The following TBCB variants were observed in gnomAD, a reference collection of about 807,000 sequenced individuals.
TBCB encodes the protein tubulin folding cofactor B.
In TBCB, 18 loss-of-function variants were observed where a neutral mutation model predicts 29.2. The observed-to-expected ratio is 0.62, with a 90% CI of 0.43 to 0.91. TBCB has a LOEUF of 0.91. TBCB is among the 40% of genes least tolerant of loss of function. The pLI is 0.00. For synonymous variants in TBCB, 172 were observed against 137.8 expected, an observed-to-expected ratio of 1.25 and a Z score of -1.74; for missense variants, 336 against 337.6, an observed-to-expected ratio of 1.00 and a Z score of 0.04.
intron 4 of TBCB, among the ~76,000 whole-genome samples, chr19:36,123,545 G>A (rs10417577): frequency 1.3e-5 from 2 of 152,084 alleles, no homozygotes; most frequent in African/African-American, 2.4e-5. Flanking sequence ...GATTACAGGT[G>A]TGAGCCACCA....
chr19:36,121,749 C>T (rs1453421456), intron 4 of TBCB, 31 bp downstream of exon 4: 3 of 1,548,148 alleles, frequency 1.9e-6, no homozygotes, highest in East Asian at 4.9e-5. Flanking sequence ...GTCCCGGGCT[C>T]CAGGGCTCCA....
chr19:36,125,044 A>C (rs1305929902), intron 4 of TBCB, among the ~76,000 whole-genome samples: 6 of 152,116 alleles, frequency 3.9e-5, no homozygotes, highest in African/African-American at 1.4e-4. Flanking sequence ...TTAGTTTGCT[A>C]ACAAAGTACC....
Position 36,116,110 on chromosome 19 carries a change from A to AAGT in TBCB, c.185_187dup (p.Lys62_Phe63insTer). On this transcript the variant is annotated stop_gained and inframe_insertion, in exon 2 of 6. Coordinates refer to ENST00000221855, the MANE Select transcript of TBCB (RefSeq NM_001281.3). LOFTEE classifies it high-confidence loss of function. ...ACTGGAGCTGTATGGAGTTGACGACAAGTTCTACAGCAAGCTGGATCAAGA... is the reference window on the plus strand; with the variant it reads ...ACTGGAGCTGTATGGAGTTGACGACAAGTAGTTCTACAGCAAGCTGGATCAAGA... 6.2e-7 allele frequency: 1 copy of AAGT among 1,614,162 alleles called. No homozygotes were observed. The highest frequency in any genetic ancestry group is 8.5e-7 in the Non-Finnish European group (1 of 1,180,018).
intron 4 of TBCB, 121 bp from the exon 5 acceptor site, chr19:36,125,330 T>C: frequency 2.8e-6 from 3 of 1,082,808 alleles, no homozygotes; most frequent in Non-Finnish European, 4.2e-6. Flanking sequence ...TAGCAAGAAA[T>C]GGTTTTCACC....
intron 1 of TBCB, 135 bp downstream of exon 1, chr19:36,115,809 C>G: frequency 2.8e-6 from 3 of 1,088,454 alleles, no homozygotes; most frequent in South Asian, 1.5e-5. Context: ...GCTGGGGACC[C>G]GGTCGCGGCG....
At chr19:36,117,114 T>G (rs1973968690) in intron 2 of TBCB, among the ~76,000 whole-genome samples, 1 of 152,230 alleles carries the variant, frequency 6.6e-6, no homozygotes, top group Non-Finnish European at 1.5e-5. Flanking sequence ...CCGGCCTCAG[T>G]GTTAACGTTT....
In TBCB at chr19:36,123,767, C is replaced by T. The variant is rs139731164; in HGVS notation, c.548-1684C>T. 7.9e-4 allele frequency among the ~76,000 whole-genome samples: 120 copies of T among 152,220 alleles called. 1 individual carries two copies. The highest frequency in any genetic ancestry group is 1.2e-3 in the Non-Finnish European group (85 of 68,022). On this transcript the variant is annotated intron_variant, in intron 4 of 5. Coordinates refer to ENST00000221855, the MANE Select transcript of TBCB (RefSeq NM_001281.3). ...GCGGGTGCCTGTGATCGCAGCTACC[C>T]GGAAGGCTGAGGCAGGAGAATCGCT...
intron 2 of TBCB, among the ~76,000 whole-genome samples, chr19:36,118,212 C>T (rs1973987935): frequency 1.3e-5 from 2 of 152,112 alleles, no homozygotes; most frequent in Non-Finnish European, 1.5e-5. Context: ...ATGACTGCAT[C>T]TGAGAAGTTC....
rs141544940 is a variant in TBCB, at chr19:36,125,752, G to A, written c.705G>A (p.Pro235=). ...KPAVVTVGDF[P]EEDYGLDEI The stretch of plus-strand genomic sequence containing the variant: ...CAGTCGTGACGGTGGGGGACTTCCC[G>A]GAGGAGGACTACGGGTTGGACGAGA... The change falls in exon 6 of 6, where the codon CCG becomes CCA. Residue 235 remains proline (P), a synonymous_variant. Coordinates refer to ENST00000221855, the MANE Select transcript of TBCB (RefSeq NM_001281.3). 1.5e-5 allele frequency: 23 copies of A among 1,561,264 alleles called. No homozygotes were observed. In the African/African-American group the frequency reaches 1.6e-4, roughly 11 times the overall value.
At chr19:36,125,385 C>T (rs1974119917) in intron 4 of TBCB, 66 bp from the exon 5 acceptor site, 1 of 1,565,848 alleles carries the variant, frequency 6.4e-7, no homozygotes, top group Non-Finnish European at 8.8e-7. Flanking sequence ...CCAGGGTGAT[C>T]CTGAAATTTC....
rs1220846579 is a variant in TBCB, at chr19:36,121,507, C to T, written c.356-20C>T. 6 of 1,545,870 alleles carry T rather than the reference C, an allele frequency of 3.9e-6. No individual in the cohort carries two copies. The African/African-American group carries it at 4.1e-5, about 11-fold the overall frequency. On this transcript the variant is annotated intron_variant, in intron 3 of 5. Coordinates refer to ENST00000221855, the MANE Select transcript of TBCB (RefSeq NM_001281.3). ...GGCCCGGCCGACACCCCAACTGACC[C>T]CAGCCCCCTCTGCCCACAGACACGG... is the stretch of plus-strand genomic sequence containing the variant.
At chr19:36,123,461 G>A (rs553890719) in intron 4 of TBCB, among the ~76,000 whole-genome samples, 3 of 152,078 alleles carry the variant, frequency 2.0e-5, no homozygotes, top group East Asian at 1.9e-4. Flanking sequence ...ATGGGATTTC[G>A]CCATGTGGCC....
chr19:36,118,948 G>A (rs910755384), intron 2 of TBCB, among the ~76,000 whole-genome samples: 5 of 152,196 alleles, frequency 3.3e-5, no homozygotes, highest in African/African-American at 1.2e-4. Context: ...GTCCTGATGA[G>A]GGGACGAGGT....
In TBCB at chr19:36,124,652, T is replaced by C. The variant is rs540889563; in HGVS notation, c.548-799T>C. ...TCCGCCTCCCGGGTTCAAACGGTTC[T>C]CCTGCCTCAGCCTCCCGAGTAGCTG... On this transcript the variant is annotated intron_variant, in intron 4 of 5. Coordinates refer to ENST00000221855, the MANE Select transcript of TBCB (RefSeq NM_001281.3). Among the ~76,000 whole-genome samples, 54 of 152,304 alleles carry C rather than the reference T, an allele frequency of 3.5e-4. No homozygotes were observed. In the East Asian group the frequency reaches 0.01, roughly 29 times the overall value.
intron 2 of TBCB, chr19:36,116,702 C>T (rs901267819): frequency 6.6e-6 from 1 of 152,466 alleles, no homozygotes; most frequent in Non-Finnish European, 1.5e-5. Context: ...CTATCGGGCT[C>T]ACTGCAGCCT....
chr19:36,125,702 A>G lies in TBCB; in HGVS notation c.655A>G (p.Lys219Glu). Residue 219 changes from lysine to glutamate, a missense_variant, in exon 6 of 6, where the codon AAG becomes GAG. Lys to Glu is a moderately conservative substitution (Grantham distance 56). Transcript: ENST00000221855. ...NGKRYFECQA[K>E]YGAFVKPAVV... ...GAAACGCTACTTCGAATGCCAGGCC[A>G]AGTATGGCGCCTTTGTCAAGCCAGC... 6.3e-7 allele frequency: 1 copy of G among 1,583,288 alleles called. No individual in the cohort carries two copies. The highest frequency in any genetic ancestry group is 8.6e-7 in the Non-Finnish European group (1 of 1,163,974).
rs1974033968 is a variant in TBCB at position 36,120,790 on chromosome 19, C to G, written c.339C>G (p.Ala113=). The G allele has an allele frequency of 1.9e-6, 3 of 1,613,852 alleles. No individual in the cohort carries two copies. The highest frequency in any genetic ancestry group is 2.5e-6 in the Non-Finnish European group (3 of 1,179,980). Residue 113 remains alanine (A), a synonymous_variant, in exon 3 of 6, where the codon GCC becomes GCG. Transcript: ENST00000221855. ...RVEKYTISQE[A]YDQRQDTVRS... is the part of the protein sequence containing the mutation. ...AGAAGTACACGATCTCACAAGAAGC[C>G]TACGACCAGAGGCAAGGTACGGGCA...
At position 36,125,704 on chromosome 19, in the gene TBCB, G is replaced by A. The variant is rs1174207781; in HGVS notation, c.657G>A (p.Lys219=). The change falls in exon 6 of 6, where the codon AAG becomes AAA. Residue 219 remains lysine, a synonymous_variant. Transcript: ENST00000221855. ...AACGCTACTTCGAATGCCAGGCCAA[G>A]TATGGCGCCTTTGTCAAGCCAGCAG... The part of the protein sequence containing the change: ...NGKRYFECQA[K]YGAFVKPAVV... 2.1e-5 allele frequency: 34 copies of A among 1,583,498 alleles called. No individual in the cohort carries two copies. The highest frequency in any genetic ancestry group is 2.8e-5 in the Non-Finnish European group (33 of 1,164,196).
At chr19:36,121,128 T>G (rs1239629105) in intron 3 of TBCB, among the ~76,000 whole-genome samples, 3 of 134,592 alleles carry the variant, frequency 2.2e-5, no homozygotes, top group African/African-American at 5.7e-5. Context: ...GGACGGGGTG[T>G]GGAGGGCAGG....
Sources: allele counts gnomAD v4.1 joint callset (sites outside exome capture counted in the v4.1 genomes callset), GRCh38; gene constraint gnomAD v4.1.1; transcripts MANE v1.5; gene names NCBI Gene and HGNC (gene_info 2026-07-23, HGNC 2026-07-21).